The following KDM3A variants were observed in gnomAD, a reference collection of about 807,000 sequenced individuals.
KDM3A encodes the protein lysine-specific demethylase 3A.
In KDM3A, 60 loss-of-function variants were observed where a neutral mutation model predicts 158.0. The observed-to-expected ratio is 0.38, with a 90% confidence interval of 0.31 to 0.47. The LOEUF (loss-of-function observed/expected upper bound fraction) is 0.47, where lower values mean the gene tolerates loss of function less well. KDM3A is among the 20% of genes least tolerant of loss of function. The pLI is 0.99. For synonymous variants in KDM3A, 608 were observed against 549.3 expected (o/e 1.11, Z -1.49); for missense variants, 1,319 against 1,574.3 (o/e 0.84, Z 2.74).
rs545440630 is a variant in KDM3A, at chr2:86,486,011, C to G, written c.3313+152C>G. The G allele has an allele frequency of 4.1e-5, 34 of 820,016 alleles. No individual in the cohort carries two copies. In the Middle Eastern group the frequency reaches 1.4e-3, roughly 34 times the overall value. 50.8% of individuals were successfully genotyped at this position (820,016 alleles called of 1,614,324 possible). On this transcript the variant is annotated intron_variant, in intron 21 of 25. Coordinates refer to ENST00000312912, the MANE Select transcript of KDM3A (RefSeq NM_018433.6). ...ATTTTTACATATTTCCTTTCGTTCCCTGGCCACATGTTTGTGTGTTTCTTT... is the reference window on the plus strand; with the variant it reads ...ATTTTTACATATTTCCTTTCGTTCCGTGGCCACATGTTTGTGTGTTTCTTT...
At chr2:86,474,704 T>TGC in intron 11 of KDM3A, 72 bp from the exon 12 acceptor site, 1 of 475,204 alleles carries the variant, frequency 2.1e-6, no homozygotes, top group Non-Finnish European at 3.7e-6. Flanking sequence ...AAATAAGTTG[T>TGC]GTGTGTGTGT....
intron 3 of KDM3A, 57 bp downstream of exon 3, chr2:86,450,019 G>A (rs919380998): frequency 6.7e-7 from 1 of 1,499,244 alleles, no homozygotes; most frequent in Non-Finnish European, 9.0e-7. Flanking sequence ...ATCCATTGTG[G>A]GTACAAAAGG....
intron 16 of KDM3A, among the ~76,000 whole-genome samples, chr2:86,481,423 T>C (rs948727055): frequency 6.6e-6 from 1 of 152,068 alleles, no homozygotes; most frequent in Admixed American, 6.5e-5. Flanking sequence ...CTGCTAACAT[T>C]TGTATTTTTA....
intron 2 of KDM3A, among the ~76,000 whole-genome samples, chr2:86,445,559 G>T (rs1231620297): frequency 6.6e-6 from 1 of 151,860 alleles, no homozygotes; most frequent in Non-Finnish European, 1.5e-5. Flanking sequence ...CCTGTTTCTT[G>T]CGTCTAATGC....
At chr2:86,489,732 G>C in intron 23 of KDM3A, 73 bp downstream of exon 23, 2 of 1,495,488 alleles carry the variant, frequency 1.3e-6, no homozygotes, top group South Asian at 2.7e-5. Context: ...GTGGTGAACT[G>C]ACTGGCTTGG....
rs979281114 is a variant in KDM3A at position 86,474,878 on chromosome 2, C to T, written c.1827C>T (p.Asn609=). The T allele has an allele frequency of 5.0e-6, 8 of 1,613,794 alleles. No individual in the cohort carries two copies. Among genetic ancestry groups the T allele is most frequent in the African/African-American group, 1.3e-5 (1 of 74,834 alleles). Residue 609 remains asparagine, a synonymous_variant, in exon 12 of 26, where the codon AAC becomes AAT. Transcript: ENST00000312912. ...GCTTGTGGTTACCTTTAACCAAAAA[C>T]GTTGTGGGGATTGATTTGGACACAG... ...AIGLWLPLTK[N]VVGIDLDTAK... is the part of the protein sequence containing the mutation.
Position 86,442,017 on chromosome 2 carries a change from G to GGGA in KDM3A, c.-26_-24dup. 6.2e-7 allele frequency: 1 copy of GGGA among 1,611,980 alleles called. No homozygotes were observed. The highest frequency in any genetic ancestry group is 8.5e-7 in the Non-Finnish European group (1 of 1,178,972). ...CGCATTTTGTTTTTGTGTTTTTGCA[G>GGGA]GGAGGAGCTCTTCCTGCAGGCGTGG... On this transcript the variant is annotated splice_region_variant and 5_prime_UTR_variant. Coordinates refer to ENST00000312912, the MANE Select transcript of KDM3A (RefSeq NM_018433.6).
intron 2 of KDM3A, among the ~76,000 whole-genome samples, chr2:86,442,895 A>T (rs905973682): frequency 6.6e-6 from 1 of 152,084 alleles, no homozygotes; most frequent in Non-Finnish European, 1.5e-5. Flanking sequence ...GAAATACTGC[A>T]CTTGGACGCA....
chr2:86,443,728 C>G (rs993595906), intron 2 of KDM3A, among the ~76,000 whole-genome samples: 1 of 152,188 alleles, frequency 6.6e-6, no homozygotes, highest in African/African-American at 2.4e-5. Context: ...GAGCTCCTGT[C>G]ATAGGCTGTG....
chr2:86,471,916 A>T (rs1169146780), intron 11 of KDM3A, among the ~76,000 whole-genome samples: 2 of 152,142 alleles, frequency 1.3e-5, no homozygotes, highest in African/African-American at 4.8e-5. Flanking sequence ...TCCTCTCGAG[A>T]ATTTTCTTCT....
At chr2:86,478,086 T>C (rs773473686) in intron 13 of KDM3A, 57 bp downstream of exon 13, 2 of 1,609,914 alleles carry the variant, frequency 1.2e-6, no homozygotes, top group African/African-American at 1.3e-5. Flanking sequence ...CAAGTGTTTT[T>C]GTTGATTTGT....
Position 86,485,876 on chromosome 2 carries a change from T to C in KDM3A, c.3313+17T>C, listed in dbSNP as rs755264274. ...ATGCTTATGGTAAGGAGGAGATGGC[T>C]AACTTTAAAATGGAAATAAAACAAT... On this transcript the variant is annotated intron_variant, in intron 21 of 25. Coordinates refer to ENST00000312912, the MANE Select transcript of KDM3A (RefSeq NM_018433.6). 6.2e-7 allele frequency: 1 copy of C among 1,601,812 alleles called. No individual in the cohort carries two copies. Among genetic ancestry groups the C allele is most frequent in the Non-Finnish European group, 8.5e-7 (1 of 1,170,728 alleles).
intron 2 of KDM3A, among the ~76,000 whole-genome samples, chr2:86,447,599 C>A (rs1268059992): frequency 6.6e-6 from 1 of 152,040 alleles, no homozygotes; most frequent in Non-Finnish European, 1.5e-5. Context: ...TTGCCAGACA[C>A]TTTACATACA....
At position 86,442,033 on chromosome 2, in the gene KDM3A, G is replaced by A. The variant is rs371719009; in HGVS notation, c.-15G>A. Reference sequence around the variant, plus strand: ...GTTTTTGCAGGGAGGAGCTCTTCCTGCAGGCGTGGAAACCATGGTGCTCAC... The same window carrying A: ...GTTTTTGCAGGGAGGAGCTCTTCCTACAGGCGTGGAAACCATGGTGCTCAC... On this transcript the variant is annotated 5_prime_UTR_variant, in exon 2 of 26. Transcript: ENST00000312912. 1,020 of 1,613,108 alleles carry A rather than the reference G, an allele frequency of 6.3e-4. No homozygotes were observed. Among genetic ancestry groups the A allele is most frequent in the Non-Finnish European group, 8.0e-4 (943 of 1,179,560 alleles).
At chr2:86,472,287 G>GA (rs1673455154) in intron 11 of KDM3A, among the ~76,000 whole-genome samples, 1 of 151,964 alleles carries the variant, frequency 6.6e-6, no homozygotes, top group Non-Finnish European at 1.5e-5. Flanking sequence ...CTGCGTAGTA[G>GA]AAGCCAGTGT....
At chr2:86,444,417 T>C (rs1202072133) in intron 2 of KDM3A, among the ~76,000 whole-genome samples, 1 of 152,208 alleles carries the variant, frequency 6.6e-6, no homozygotes, top group Non-Finnish European at 1.5e-5. Context: ...TCATGATTTA[T>C]CACTGCATTC....
intron 18 of KDM3A, chr2:86,483,418 A>G (rs1209118901): frequency 6.6e-6 from 1 of 152,548 alleles, no homozygotes; most frequent in African/African-American, 2.4e-5. Flanking sequence ...ATTTAATCAT[A>G]TATAGACAAG....
chr2:86,484,966 C>T lies in KDM3A; in HGVS notation c.3119C>T (p.Pro1040Leu). 1 of 1,606,764 alleles carries T rather than the reference C, an allele frequency of 6.2e-7. No homozygotes were observed. Among genetic ancestry groups the T allele is most frequent in the Non-Finnish European group, 8.5e-7 (1 of 1,173,692 alleles). The change falls in exon 20 of 26, where the codon CCA becomes CTA. Residue 1040 changes from proline (P) to leucine (L), a missense_variant. Pro to Leu is a moderately conservative substitution (Grantham distance 98). Around this residue, in one of 4 missense-constraint regions of KDM3A, gnomAD observed 368 missense variants for 415.8 expected, o/e 0.89. Transcript: ENST00000312912. The part of the protein sequence containing the change: ...VPNRLKNEKE[P>L]MVLKLKDWPP... ...GATCGTTTGAAAAATGAAAAAGAAC[C>T]AATGGTGTTGAAACTTAAGGACTGG...
chr2:86,480,009 G>A (rs149971674), intron 15 of KDM3A, 158 bp from the exon 16 acceptor site: 12 of 621,602 alleles, frequency 1.9e-5, no homozygotes, highest in African/African-American at 9.2e-5. Flanking sequence ...CTACTAGTGC[G>A]GGATTACTGC....
Sources: gnomAD v4.1 joint callset for allele counts (sites outside exome capture counted in the v4.1 genomes callset) on GRCh38, gnomAD v4.1.1 for gene constraint, gnomAD v4.1.1 regional missense constraint, MANE v1.5 for transcripts, NCBI Gene and HGNC (gene_info 2026-07-23, HGNC 2026-07-21) for gene names.